Variants in FAM228B observed in about 807,000 individuals in gnomAD.
FAM228B encodes family with sequence similarity 228 member B.
A neutral mutation model predicts 42.6 loss-of-function variants in FAM228B; 38 were observed. The ratio of observed to expected loss-of-function variants is 0.89; its 90% confidence interval spans 0.69 to 1.17. The LOEUF (loss-of-function observed/expected upper bound fraction) is 1.17, where lower values mean the gene tolerates loss of function less well. Ranked by LOEUF, FAM228B falls within the 50% of genes most tolerant of loss-of-function variation. The pLI, the probability that FAM228B is intolerant of heterozygous loss-of-function variation, is 0.00. For missense variants in FAM228B, 344 were observed against 367.3 expected (o/e 0.94, Z 0.52); for synonymous variants, 109 against 122.3 (o/e 0.89, Z 0.72).
At chr2:24,128,458 C>G (rs1256406326) in intron 2 of FAM228B, among the ~76,000 whole-genome samples, 1 of 152,102 alleles carries the variant, frequency 6.6e-6, no homozygotes, top group Admixed American at 6.6e-5. Context: ...AACTTATGAA[C>G]TACAGGAATA....
rs573246463 is a variant in FAM228B at position 24,157,686 on chromosome 2, C to T, written c.687-3820C>T. ...CTGGGAGGCAGAAGTTGCAGTGAGC[C>T]GAGATCACACCACTGCACTCCAGCC... On this transcript the variant is annotated intron_variant, in intron 7 of 10. Transcript: ENST00000615575. Among the ~76,000 whole-genome samples, 12 of 150,734 alleles carry T rather than the reference C, an allele frequency of 8.0e-5. No individual in the cohort carries two copies. In the East Asian group the frequency reaches 1.4e-3, roughly 17 times the overall value.
upstream of FAM228B, chr2:24,122,645 T>C (rs1046473470): frequency 6.8e-6 from 5 of 738,648 alleles, no homozygotes; most frequent in Admixed American, 9.2e-5. Flanking sequence ...AGTTCTAAGA[T>C]CAGCAAGTGT....
chr2:24,147,491 T>C (rs1573775397), intron 7 of FAM228B, among the ~76,000 whole-genome samples: 2 of 152,310 alleles, frequency 1.3e-5, no homozygotes, highest in African/African-American at 2.4e-5. Context: ...CTACTTTTTT[T>C]CTTCCTCCTG....
intron 9 of FAM228B, among the ~76,000 whole-genome samples, chr2:24,166,930 A>T (rs1667430902): frequency 6.6e-6 from 1 of 151,874 alleles, no homozygotes; most frequent in Non-Finnish European, 1.5e-5. Context: ...AAAAGTGGGG[A>T]GGCTGAAGAT....
intron 2 of FAM228B, among the ~76,000 whole-genome samples, chr2:24,131,165 C>T (rs1026759998): frequency 2.0e-5 from 3 of 152,152 alleles, no homozygotes; most frequent in Admixed American, 6.5e-5. Flanking sequence ...TCTGAGGTCT[C>T]CATTCTGTTC....
chr2:24,163,450 G>A (rs1171799409), intron 8 of FAM228B, among the ~76,000 whole-genome samples: 1 of 152,166 alleles, frequency 6.6e-6, no homozygotes, highest in Non-Finnish European at 1.5e-5. Context: ...AGCCACAAGT[G>A]AGGGGAAAAA....
intron 2 of FAM228B, among the ~76,000 whole-genome samples, chr2:24,092,756 A>T (rs573177380): frequency 6.6e-6 from 1 of 152,310 alleles, no homozygotes; most frequent in African/African-American, 2.4e-5. Context: ...AGATCCCATC[A>T]CTAAGGGAAT....
intron 7 of FAM228B, among the ~76,000 whole-genome samples, chr2:24,155,571 G>A (rs111624841): frequency 0.032 from 3,206 of 100,028 alleles, 59 homozygotes; most frequent in African/African-American, 0.066. Context: ...ATGGATTTTC[G>A]CGCCTGTTGC....
In FAM228B at chr2:24,116,676, G is replaced by A. The variant is rs548151218; in HGVS notation, c.-120-18443G>A. Among the ~76,000 whole-genome samples the A allele has an allele frequency of 5.9e-5, 9 of 152,102 alleles. No individual in the cohort carries two copies. In the East Asian group the frequency reaches 1.8e-3, roughly 30 times the overall value. ...TCGAGACCAGCCTGGCTAACATGGT[G>A]AAACCCCGTCTCTACTAAAAATACA... On this transcript the variant is annotated intron_variant, in intron 3 of 10. Coordinates refer to the FAM228B transcript ENST00000613899.
intron 2 of FAM228B, among the ~76,000 whole-genome samples, chr2:24,091,350 G>T (rs550956388): frequency 6.6e-6 from 1 of 152,268 alleles, no homozygotes; most frequent in East Asian, 1.9e-4. Flanking sequence ...GGAGAATGGC[G>T]TGAACCCGGG....
At chr2:24,154,622 G>A (rs1027907743) in intron 7 of FAM228B, among the ~76,000 whole-genome samples, 1 of 152,168 alleles carries the variant, frequency 6.6e-6, no homozygotes, top group African/African-American at 2.4e-5. Context: ...GAGGATGAGA[G>A]CATGAGAGGA....
At chr2:24,091,338 CAGG>C (rs1665388625) in intron 2 of FAM228B, among the ~76,000 whole-genome samples, 1 of 152,148 alleles carries the variant, frequency 6.6e-6, no homozygotes, top group Non-Finnish European at 1.5e-5. Flanking sequence ...GAGGCTGAGG[CAGG>C]AGAATGGCGT....
At chr2:24,117,695 G>A (rs776709736) in intron 3 of FAM228B, among the ~76,000 whole-genome samples, 4 of 152,034 alleles carry the variant, frequency 2.6e-5, no homozygotes, top group Non-Finnish European at 5.9e-5. Context: ...CACCTGCCTC[G>A]GCCTCCCAAA....
At chr2:24,119,046 G>A (rs1440239241), upstream of FAM228B, among the ~76,000 whole-genome samples, 3 of 152,034 alleles carry the variant, frequency 2.0e-5, no homozygotes, top group South Asian at 2.1e-4. Context: ...GTATAGACAC[G>A]GAGGGGGAAT....
chr2:24,134,943 A>G (rs541160361), intron 2 of FAM228B, among the ~76,000 whole-genome samples, 176 bp from the exon 3 acceptor site: 2 of 152,106 alleles, frequency 1.3e-5, no homozygotes, highest in Non-Finnish European at 2.9e-5. Context: ...ACAGAACAAG[A>G]CTCTGTCTCA....
upstream of FAM228B, chr2:24,119,560 C>T: frequency 6.3e-7 from 1 of 1,596,830 alleles, no homozygotes; most frequent in Non-Finnish European, 8.6e-7. Flanking sequence ...AAGACAGGAA[C>T]TAGGAGGCCA....
At chr2:24,078,429 G>T (rs1664853832) in intron 1 of FAM228B, among the ~76,000 whole-genome samples, 3 of 147,010 alleles carry the variant, frequency 2.0e-5, no homozygotes, top group Non-Finnish European at 4.5e-5. Context: ...CCAGGAGGCT[G>T]ATTGTGCCAT....
In FAM228B at chr2:24,103,976, G is replaced by A. The variant is rs188447637; in HGVS notation, c.-121+8747G>A. Among the ~76,000 whole-genome samples, 38 of 152,328 alleles carry A rather than the reference G, an allele frequency of 2.5e-4. No individual in the cohort carries two copies. The East Asian group carries it at 6.8e-3, about 27-fold the overall frequency. ...AATTGGGGGTGGGGCCGAGATAGTG[G>A]ACTAGAGGCAGCTCATGTGTGCTGC... On this transcript the variant is annotated intron_variant, in intron 3 of 10. Transcript: ENST00000613899.
intron 5 of FAM228B, among the ~76,000 whole-genome samples, chr2:24,142,132 C>G (rs1223038099): frequency 6.6e-6 from 1 of 152,184 alleles, no homozygotes; most frequent in Non-Finnish European, 1.5e-5. Flanking sequence ...AGACCCTGCT[C>G]CTGAGCTGCT....
Sources: gnomAD v4.1 joint callset for allele counts (sites outside exome capture counted in the v4.1 genomes callset) on GRCh38, gnomAD v4.1.1 for gene constraint, MANE v1.5 for transcripts, NCBI Gene and HGNC (gene_info 2026-07-23, HGNC 2026-07-21) for gene names.